NIPAL2: variants seen among roughly 807,000 people sequenced by gnomAD.
NIPAL2 encodes the protein NIPA like domain containing 2.
A neutral mutation model predicts 48.9 loss-of-function variants in NIPAL2; 43 were observed. That is an observed-to-expected ratio of 0.88 (90% CI 0.69 to 1.13). The LOEUF is 1.13. NIPAL2 is among the 50% of genes most tolerant of loss of function. The pLI is 0.00. For missense variants in NIPAL2, 446 were observed against 461.4 expected (o/e 0.97, Z 0.31); for synonymous variants, 167 against 174.6 (o/e 0.96, Z 0.34).
intron 2 of NIPAL2, among the ~76,000 whole-genome samples, chr8:98,253,265 G>A (rs957446242): frequency 2.6e-5 from 4 of 152,064 alleles, no homozygotes; most frequent in African/African-American, 9.7e-5. Flanking sequence ...ATTAGCTCTC[G>A]TTTCAGACAT....
intron 3 of NIPAL2, among the ~76,000 whole-genome samples, chr8:98,246,906 C>T (rs544534019): frequency 2.0e-5 from 3 of 152,292 alleles, no homozygotes; most frequent in African/African-American, 7.2e-5. Flanking sequence ...AGAAGTCTGC[C>T]ATGAAGCTAT....
intron 5 of NIPAL2, among the ~76,000 whole-genome samples, chr8:98,221,650 C>A (rs1048867727): frequency 6.6e-6 from 1 of 152,084 alleles, no homozygotes; most frequent in Non-Finnish European, 1.5e-5. Flanking sequence ...TACCCATCAA[C>A]CTGTCACCTA....
intron 1 of NIPAL2, among the ~76,000 whole-genome samples, chr8:98,280,789 G>GAC (rs1815783002): frequency 2.1e-5 from 3 of 141,202 alleles, no homozygotes; most frequent in African/African-American, 7.9e-5. Flanking sequence ...GAGAGAGAGA[G>GAC]AGAAAGCGAG....
At chr8:98,233,340 ATGTGTGTG>A (rs59700892) in intron 4 of NIPAL2, among the ~76,000 whole-genome samples, 76 of 149,726 alleles carry the variant, frequency 5.1e-4, no homozygotes, top group Admixed American at 1.4e-3. Flanking sequence ...TGTTTTCTTG[ATGTGTGTG>A]TGTGTGTGTG....
At chr8:98,282,907 T>C (rs761700355) in intron 1 of NIPAL2, among the ~76,000 whole-genome samples, 4 of 152,212 alleles carry the variant, frequency 2.6e-5, no homozygotes, top group Non-Finnish European at 4.4e-5. Context: ...GAGCAGATTT[T>C]TAATTTGTTA....
At chr8:98,207,186 CA>C (rs1427780515) in intron 6 of NIPAL2, among the ~76,000 whole-genome samples, 1 of 152,192 alleles carries the variant, frequency 6.6e-6, no homozygotes, top group Non-Finnish European at 1.5e-5. Context: ...CTCAGAATTG[CA>C]AAGGACCTTA....
At chr8:98,222,410 T>C in intron 5 of NIPAL2, 69 bp downstream of exon 5, 8 of 1,478,752 alleles carry the variant, frequency 5.4e-6, no homozygotes, top group Non-Finnish European at 7.3e-6. Context: ...TTATGTTCTC[T>C]AATATCTGCA....
chr8:98,196,679 T>C (rs555131624), intron 8 of NIPAL2, among the ~76,000 whole-genome samples: 1 of 152,376 alleles, frequency 6.6e-6, no homozygotes, highest in Admixed American at 6.5e-5. Context: ...AAAGCCTTCA[T>C]AGAGTTTTTG....
Position 98,265,747 on chromosome 8 carries a change from G to A in NIPAL2, c.136-11660C>T, listed in dbSNP as rs375940728. Among the ~76,000 whole-genome samples the A allele has an allele frequency of 6.0e-4, 81 of 135,600 alleles. No homozygotes were observed. The South Asian group carries it at 9.9e-3, about 16-fold the overall frequency. 89.0% of individuals were successfully genotyped at this position (135,600 alleles called of 152,430 possible). A position where few individuals can be genotyped will look rare whatever the true frequency, so the allele number is the denominator to read the frequency against. On this transcript the variant is annotated intron_variant, in intron 1 of 10. Transcript: ENST00000430223. ...GGCGATTCCTCAGGGATCTAGAACT[G>A]GAAATACCATTTGACCCAGCCATCC...
intron 3 of NIPAL2, among the ~76,000 whole-genome samples, chr8:98,241,455 A>C (rs1812977533): frequency 6.6e-6 from 1 of 152,224 alleles, no homozygotes. Context: ...AAACTTTCTG[A>C]TGAGTGATTT....
In NIPAL2 at chr8:98,236,498, AGGCAGAAAGAGCAGGAAGG is replaced by A. The variant is rs548347918; in HGVS notation, c.377-303_377-285del. On this transcript the variant is annotated intron_variant, in intron 3 of 10. Transcript: ENST00000430223. ...ACAGAACAAATGAAAGAAAGAAGAA[AGGCAGAAAGAGCAGGAAGG>A]GGCAGAAAGAGCAGGAAGGATTAGA... Among the ~76,000 whole-genome samples the A allele has an allele frequency of 1.7e-3, 260 of 152,266 alleles. 1 individual carries two copies. Among genetic ancestry groups the A allele is most frequent in the Admixed American group, 2.6e-3 (39 of 15,284 alleles).
chr8:98,283,720 G>A (rs761755440), intron 1 of NIPAL2, among the ~76,000 whole-genome samples: 1 of 152,146 alleles, frequency 6.6e-6, no homozygotes, highest in Non-Finnish European at 1.5e-5. Flanking sequence ...ACACCTGCCT[G>A]GGTTTCCGGA....
chr8:98,255,689 G>T (rs559815668), intron 1 of NIPAL2, among the ~76,000 whole-genome samples: 1 of 152,126 alleles, frequency 6.6e-6, no homozygotes, highest in South Asian at 2.1e-4. Flanking sequence ...ATCCCTCATG[G>T]GGAAACAATT....
Position 98,192,680 on chromosome 8 carries a change from T to C in NIPAL2, c.*298A>G, listed in dbSNP as rs1810352330. ...CCTGTGGCCAAACCGCAAATGTATG[T>C]TTCTGTGCAACATTCCTGCTAGAGC... On this transcript the variant is annotated 3_prime_UTR_variant, in exon 11 of 11. Transcript: ENST00000430223. 4 of 341,110 alleles carry C rather than the reference T, an allele frequency of 1.2e-5. No homozygotes were observed. In the South Asian group the frequency reaches 2.6e-4, roughly 22 times the overall value. 21.1% of individuals were successfully genotyped at this position (341,110 alleles called of 1,614,324 possible). A position where few individuals can be genotyped will look rare whatever the true frequency, so the allele number is the denominator to read the frequency against.
At chr8:98,208,321 G>T (rs1159535562) in intron 6 of NIPAL2, among the ~76,000 whole-genome samples, 1 of 152,094 alleles carries the variant, frequency 6.6e-6, no homozygotes, top group Non-Finnish European at 1.5e-5. Context: ...TTTCTAGGTT[G>T]CCATCAACAT....
At chr8:98,259,069 CCTTTTTTTTTTTTTT>C (rs1192661428) in intron 1 of NIPAL2, among the ~76,000 whole-genome samples, 2 of 89,398 alleles carry the variant, frequency 2.2e-5, no homozygotes, top group African/African-American at 9.2e-5. Flanking sequence ...TTTAAATATT[CCTTTTTTTTTTTTTT>C]TTTTTTTTTT....
chr8:98,216,680 A>G (rs2130736946), intron 5 of NIPAL2, among the ~76,000 whole-genome samples: 1 of 152,320 alleles, frequency 6.6e-6, no homozygotes, highest in East Asian at 1.9e-4. Context: ...CTGAGAGAAA[A>G]TGAGCAATGT....
intron 6 of NIPAL2, among the ~76,000 whole-genome samples, chr8:98,208,921 T>A (rs940841152): frequency 6.6e-6 from 1 of 152,184 alleles, no homozygotes; most frequent in African/African-American, 2.4e-5. Flanking sequence ...ACAACATGAC[T>A]TTCATAATTA....
At chr8:98,264,652 C>T (rs1330064208) in intron 1 of NIPAL2, among the ~76,000 whole-genome samples, 3 of 150,336 alleles carry the variant, frequency 2.0e-5, no homozygotes, top group South Asian at 4.3e-4. Context: ...AATGGAAGAA[C>T]ATTCCATGCT....
Sources: gnomAD v4.1 joint callset for allele counts (sites outside exome capture counted in the v4.1 genomes callset) on GRCh38, gnomAD v4.1.1 for gene constraint, MANE v1.5 for transcripts, NCBI Gene and HGNC (gene_info 2026-07-23, HGNC 2026-07-21) for gene names.